KPTN: variants seen among roughly 807,000 people sequenced by gnomAD.
The protein encoded by KPTN is kaptin, actin binding protein.
Under a neutral mutation model 52.6 loss-of-function variants are expected in KPTN, and 36 were observed. The observed-to-expected ratio is 0.68, with a 90% CI of 0.52 to 0.90. The LOEUF (loss-of-function observed/expected upper bound fraction) is 0.90, where lower values mean the gene tolerates loss of function less well. Ranked by LOEUF, KPTN falls within the 40% of genes least tolerant of loss-of-function variation. The pLI is 0.00. For synonymous variants in KPTN, 271 were observed against 248.4 expected, an observed-to-expected ratio of 1.09 and a Z score of -0.85; for missense variants, 529 against 576.2, an observed-to-expected ratio of 0.92 and a Z score of 0.84.
At chr19:47,480,168 G>T in intron 7 of KPTN, 130 bp downstream of exon 7, 5 of 316,048 alleles carry the variant, frequency 1.6e-5, no homozygotes, top group Non-Finnish European at 3.0e-5. Context: ...CACCCGGCAA[G>T]CCCCACCCTC....
intron 8 of KPTN, among the ~76,000 whole-genome samples, chr19:47,478,243 TAA>T (rs559563026): frequency 1.1e-3 from 161 of 152,042 alleles, no homozygotes; most frequent in African/African-American, 3.4e-3. Flanking sequence ...AGACAAATTA[TAA>T]GTCAGACACC....
At position 47,475,359 on chromosome 19, in the gene KPTN, TGGA is replaced by T; in HGVS notation, c.*54_*56del. The T allele has an allele frequency of 6.3e-7, 1 of 1,585,462 alleles. No individual in the cohort carries two copies. Among genetic ancestry groups the T allele is most frequent in the Non-Finnish European group, 8.6e-7 (1 of 1,162,414 alleles). On this transcript the variant is annotated 3_prime_UTR_variant, in exon 12 of 12. Transcript: ENST00000338134. ...CTTCAGGACACCCCCCACCAGCGGCTGGAGGTGAGCACGCCATGAGTCGCCCCA... is the reference window on the plus strand; with the variant it reads ...CTTCAGGACACCCCCCACCAGCGGCTGGTGAGCACGCCATGAGTCGCCCCA...
In KPTN at chr19:47,483,234, CAGGTTAGCATGG is replaced by C. The variant is rs778828102; in HGVS notation, c.395-31_395-20del. 1 of 1,613,930 alleles carries C rather than the reference CAGGTTAGCATGG, an allele frequency of 6.2e-7. No homozygotes were observed. Among genetic ancestry groups the C allele is most frequent in the South Asian group, 1.1e-5 (1 of 91,084 alleles). On this transcript the variant is annotated intron_variant, in intron 3 of 11. Transcript: ENST00000338134. The stretch of plus-strand genomic sequence containing the variant: ...CAGCTCTCTGTAGGCAGGGCACAGG[CAGGTTAGCATGG>C]GGGACCTGCTGGGGACTCTCTCCCT...
chr19:47,476,957 G>A lies in KPTN; in HGVS notation c.864-19C>T. On this transcript the variant is annotated intron_variant, in intron 9 of 11. Transcript: ENST00000338134. ...CAGGTCCCTGAGGGTCCCAAATACA[G>A]CATATAGACTGGGGTCAGCTTGCAG... 6.4e-7 allele frequency: 1 copy of A among 1,551,756 alleles called. No individual in the cohort carries two copies. Among genetic ancestry groups the A allele is most frequent in the Non-Finnish European group, 8.7e-7 (1 of 1,147,112 alleles).
intron 1 of KPTN, 165 bp downstream of exon 1, chr19:47,483,769 AG>A: frequency 1.0e-6 from 1 of 1,003,884 alleles, no homozygotes; most frequent in South Asian, 1.6e-5. Flanking sequence ...CTGAAACCCT[AG>A]GCTCATCCGG....
intron 8 of KPTN, among the ~76,000 whole-genome samples, chr19:47,478,743 G>A (rs1401314618): frequency 1.3e-5 from 2 of 152,102 alleles, no homozygotes; most frequent in South Asian, 4.1e-4. Flanking sequence ...GTCTTTTGCA[G>A]CAACTTAGAT....
chr19:47,483,883 T>C, intron 1 of KPTN, 52 bp downstream of exon 1: 2 of 1,606,752 alleles, frequency 1.2e-6, no homozygotes, highest in Non-Finnish European at 1.7e-6. Context: ...TCAGAAGCCT[T>C]CTCAACACCA....
rs1359814601 is a variant in KPTN, at chr19:47,484,202, C to T, written c.-42G>A. 2 of 1,565,374 alleles carry T rather than the reference C, an allele frequency of 1.3e-6. No homozygotes were observed. Among genetic ancestry groups the T allele is most frequent in the Non-Finnish European group, 1.7e-6 (2 of 1,161,128 alleles). On this transcript the variant is annotated 5_prime_UTR_variant, in exon 1 of 12. Transcript: ENST00000338134. ...CCCTCTCCGCAGCCCCCGCCCCAAC[C>T]CGCACTACCCAACCTACGACTCTCT...
upstream of KPTN, chr19:47,484,318 G>C: frequency 2.1e-6 from 2 of 955,014 alleles, no homozygotes; most frequent in Non-Finnish European, 3.0e-6. Context: ...ATGGCGGCCA[G>C]GTCGCCTGCT....
rs1291492954 is a variant in KPTN at position 47,479,918 on chromosome 19, G to A, written c.732C>T (p.Val244=). Residue 244 remains valine (V), a synonymous_variant, in exon 8 of 12, where the codon GTC becomes GTT. Coordinates refer to ENST00000338134, the MANE Select transcript of KPTN (RefSeq NM_007059.4). ...CTCGGGAGATGGGACCGTCCTGCAG[G>A]ACCGACCACATCTGCAGAACCTCTG... ...RSREVLQMWS[V]LQDGPISRVI... The A allele has an allele frequency of 6.2e-7, 1 of 1,613,394 alleles. No individual in the cohort carries two copies. The highest frequency in any genetic ancestry group is 8.5e-7 in the Non-Finnish European group (1 of 1,179,836).
rs1967807534 is a variant in KPTN, at chr19:47,479,924, C to A, written c.726G>T (p.Trp242Cys). ...AGATGGGACCGTCCTGCAGGACCGA[C>A]CACATCTGCAGAACCTCTGCGTGGA... ...DQRSREVLQM[W>C]SVLQDGPISR... The change falls in exon 8 of 12, where the codon TGG becomes TGT. Residue 242 changes from tryptophan to cysteine, a missense_variant. By Grantham distance (215) the Trp-to-Cys change is radical (BLOSUM62 -2). Coordinates refer to ENST00000338134, the MANE Select transcript of KPTN (RefSeq NM_007059.4). 1 of 1,613,242 alleles carries A rather than the reference C, an allele frequency of 6.2e-7. No homozygotes were observed. The highest frequency in any genetic ancestry group is 8.5e-7 in the Non-Finnish European group (1 of 1,179,764).
In KPTN at chr19:47,479,893, C is replaced by G; in HGVS notation, c.757G>C (p.Val253Leu). ...GCGGCCGAGAGGCTGAACACAATCA[C>G]TCGGGAGATGGGACCGTCCTGCAGG... ...SVLQDGPISRVIVFSLSAAKE... is the reference protein window; with the variant it reads ...SVLQDGPISRLIVFSLSAAKE... Residue 253 changes from valine (V) to leucine (L), a missense_variant, in exon 8 of 12, where the codon GTG becomes CTG. Transcript: ENST00000338134. 7 of 1,613,746 alleles carry G rather than the reference C, an allele frequency of 4.3e-6. No individual in the cohort carries two copies. Among genetic ancestry groups the G allele is most frequent in the Non-Finnish European group, 5.9e-6 (7 of 1,179,910 alleles).
chr19:47,477,820 G>A, intron 8 of KPTN, 39 bp from the exon 9 acceptor site: 2 of 1,506,194 alleles, frequency 1.3e-6, no homozygotes, highest in Non-Finnish European at 1.8e-6. Flanking sequence ...AGCACTTTGG[G>A]AGGCCAAGGC....
At position 47,483,545 on chromosome 19, in the gene KPTN, G is replaced by A; in HGVS notation, c.266C>T (p.Ser89Leu). ...CACAACCAGACCCCGCTTGGGGGGTGACTTGTTGAAAGTGTCGATGGAGAC... is the reference window on the plus strand; with the variant it reads ...CACAACCAGACCCCGCTTGGGGGGTAACTTGTTGAAAGTGTCGATGGAGAC... ...EIVSIDTFNK[S>L]PPKRGLVVGI... Residue 89 changes from serine to leucine, a missense_variant, in exon 2 of 12, where the codon TCA becomes TTA. Coordinates refer to ENST00000338134, the MANE Select transcript of KPTN (RefSeq NM_007059.4). 6.3e-7 allele frequency: 1 copy of A among 1,575,924 alleles called. No individual in the cohort carries two copies. The highest frequency in any genetic ancestry group is 1.1e-5 in the South Asian group (1 of 87,216).
At position 47,479,758 on chromosome 19, in the gene KPTN, C is replaced by A. The variant is rs1350223578; in HGVS notation, c.787+105G>T. 4 of 885,926 alleles carry A rather than the reference C, an allele frequency of 4.5e-6. No individual in the cohort carries two copies. The South Asian group carries it at 6.0e-5, about 13-fold the overall frequency. 54.9% of individuals were successfully genotyped at this position (885,926 alleles called of 1,614,324 possible). A position where few individuals can be genotyped will look rare whatever the true frequency, so the allele number is the denominator to read the frequency against. On this transcript the variant is annotated intron_variant, in intron 8 of 11. Coordinates refer to ENST00000338134, the MANE Select transcript of KPTN (RefSeq NM_007059.4). ...CAGGAGAGAGGGACTGGGGTCTGCA[C>A]ACTTTGGGAGAGGGGTGCAAATCTG...
In KPTN at chr19:47,483,146, G is replaced by A; in HGVS notation, c.449+15C>T. The stretch of plus-strand genomic sequence containing the variant: ...TTTACAGTGGAGTGGGCGTCGATGC[G>A]CAGGGGACACTCACTCCGCATGGCA... On this transcript the variant is annotated intron_variant, in intron 4 of 11. Transcript: ENST00000338134. The A allele has an allele frequency of 1.9e-6, 3 of 1,612,766 alleles. No homozygotes were observed. The highest frequency in any genetic ancestry group is 2.5e-6 in the Non-Finnish European group (3 of 1,178,902).
Position 47,483,205 on chromosome 19 carries a change from C to G in KPTN, c.405G>C (p.Leu135=). 6.2e-7 allele frequency: 1 copy of G among 1,614,066 alleles called. No individual in the cohort carries two copies. The change falls in exon 4 of 12, where the codon CTG becomes CTC. Residue 135 remains leucine (L), a synonymous_variant. Coordinates refer to ENST00000338134, the MANE Select transcript of KPTN (RefSeq NM_007059.4). The part of the protein sequence containing the change: ...YNLDSIAQSC[L]NLELQFTPFQ... ...ACGGAGTGAACTGGAGCTCCAGGTT[C>G]AGGCAGCTCTCTGTAGGCAGGGCAC...
rs2122675890 is a variant in KPTN at position 47,476,710 on chromosome 19, A to T, written c.1004T>A (p.Leu335Gln). 6.2e-7 allele frequency: 1 copy of T among 1,611,240 alleles called. No homozygotes were observed. The highest frequency in any genetic ancestry group is 2.2e-5 in the East Asian group (1 of 44,674). Residue 335 changes from leucine to glutamine, a missense_variant, in exon 11 of 12, where the codon CTG (leucine) becomes CAG (glutamine). By Grantham distance (113) the Leu-to-Gln change is moderately radical. Transcript: ENST00000338134. ...TGGGCCCCGGTACTTATAACACAGCAGTTCCTGCGGGGGTGAAGAATCAGG... is the reference window on the plus strand; with the variant it reads ...TGGGCCCCGGTACTTATAACACAGCTGTTCCTGCGGGGGTGAAGAATCAGG... ...EVLVATYGQELLCYKYRGPES... is the reference protein window; with the variant it reads ...EVLVATYGQEQLCYKYRGPES...
intron 8 of KPTN, 107 bp from the exon 9 acceptor site, chr19:47,477,888 C>A: frequency 1.4e-6 from 1 of 692,858 alleles, no homozygotes; most frequent in East Asian, 3.1e-5. Context: ...GATAAAACCC[C>A]GCCTCTACTA....
Sources: allele counts gnomAD v4.1 joint callset (sites outside exome capture counted in the v4.1 genomes callset), GRCh38; gene constraint gnomAD v4.1.1; transcripts MANE v1.5; gene names NCBI Gene and HGNC (gene_info 2026-07-23, HGNC 2026-07-21).